The following ZNF804A variants were observed in gnomAD, a reference collection of about 807,000 sequenced individuals.
ZNF804A encodes the protein zinc finger protein 804A.
In ZNF804A, 2 loss-of-function variants were observed where a neutral mutation model predicts 16.5. The ratio of observed to expected loss-of-function variants is 0.12; its 90% CI spans 0.05 to 0.38. The LOEUF (loss-of-function observed/expected upper bound fraction) is 0.38. Among genes scored for constraint, ZNF804A ranks in the 10% least tolerant of loss-of-function variants. ZNF804A has a pLI of 0.99. For synonymous variants in ZNF804A, 534 were observed against 489.6 expected (o/e 1.09, Z -1.20); for missense variants, 1,473 against 1,390.7 (o/e 1.06, Z -0.94).
intron 1 of ZNF804A, among the ~76,000 whole-genome samples, chr2:184,819,519 C>A (rs1695037161): frequency 6.6e-6 from 1 of 151,576 alleles, no homozygotes; most frequent in Admixed American, 6.6e-5. Flanking sequence ...ACTAGAGAAC[C>A]AAGAGAAAAC....
intron 1 of ZNF804A, among the ~76,000 whole-genome samples, chr2:184,706,310 G>T (rs1693029819): frequency 6.6e-6 from 1 of 152,160 alleles, no homozygotes; most frequent in African/African-American, 2.4e-5. Context: ...TGTGTACATG[G>T]TATATGTTGT....
At chr2:184,790,150 A>G (rs1235938502) in intron 1 of ZNF804A, among the ~76,000 whole-genome samples, 1 of 151,490 alleles carries the variant, frequency 6.6e-6, no homozygotes, top group African/African-American at 2.4e-5. Flanking sequence ...TCCCCTTGGT[A>G]TTGATTTTTA....
intron 1 of ZNF804A, among the ~76,000 whole-genome samples, chr2:184,799,042 G>A (rs941850507): frequency 2.0e-5 from 3 of 151,950 alleles, no homozygotes; most frequent in Admixed American, 1.3e-4. Flanking sequence ...CTGGTACCGC[G>A]GGCTGTCAGC....
intron 1 of ZNF804A, among the ~76,000 whole-genome samples, chr2:184,859,737 G>C (rs72905782): frequency 0.05 from 7,668 of 152,242 alleles, 254 homozygotes; most frequent in Middle Eastern, 0.078. Flanking sequence ...TCTTTGTCTG[G>C]GAAACCCTAC....
intron 1 of ZNF804A, among the ~76,000 whole-genome samples, chr2:184,834,357 C>T (rs1251355515): frequency 2.0e-5 from 3 of 152,064 alleles, no homozygotes; most frequent in Non-Finnish European, 2.9e-5. Context: ...ACTCCAGATT[C>T]ATCTTTCCTT....
chr2:184,913,650 T>C (rs1454085997), intron 2 of ZNF804A, among the ~76,000 whole-genome samples: 4 of 152,188 alleles, frequency 2.6e-5, no homozygotes. Context: ...ATTCAGTTCC[T>C]GTAAACCTTT....
intron 1 of ZNF804A, among the ~76,000 whole-genome samples, chr2:184,669,764 GCACACACA>G (rs774466491): frequency 7.1e-4 from 30 of 42,034 alleles, no homozygotes; most frequent in Admixed American, 1.4e-3. Context: ...ACACACACAC[GCACACACA>G]CACACACACT....
chr2:184,911,468 C>T (rs1324636259), intron 2 of ZNF804A, among the ~76,000 whole-genome samples: 1 of 151,898 alleles, frequency 6.6e-6, no homozygotes. Flanking sequence ...TTTTTGGTTC[C>T]TTATCCATTT....
intron 1 of ZNF804A, among the ~76,000 whole-genome samples, chr2:184,776,270 G>A (rs956189797): frequency 1.1e-4 from 17 of 151,366 alleles, no homozygotes; most frequent in Admixed American, 1.1e-3. Context: ...CTTTGAGAGA[G>A]AAATTAGAAA....
At chr2:184,760,723 T>C (rs949219821) in intron 1 of ZNF804A, among the ~76,000 whole-genome samples, 3 of 152,130 alleles carry the variant, frequency 2.0e-5, no homozygotes, top group African/African-American at 7.2e-5. Context: ...GGAATAAAGA[T>C]GATTGGGGAT....
intron 1 of ZNF804A, among the ~76,000 whole-genome samples, chr2:184,635,696 G>A (rs938209931): frequency 1.3e-5 from 2 of 152,028 alleles, no homozygotes; most frequent in Admixed American, 1.3e-4. Context: ...TTTAGTAAAA[G>A]CATGCAAGAG....
chr2:184,730,959 T>C (rs1236743581), intron 1 of ZNF804A, among the ~76,000 whole-genome samples: 1 of 151,816 alleles, frequency 6.6e-6, no homozygotes, highest in African/African-American at 2.4e-5. Context: ...ACTGCTAAAC[T>C]GGGCCAGGCA....
At chr2:184,872,668 G>A (rs1169758848) in intron 2 of ZNF804A, among the ~76,000 whole-genome samples, 1 of 152,082 alleles carries the variant, frequency 6.6e-6, no homozygotes, top group African/African-American at 2.4e-5. Flanking sequence ...CATAATCATA[G>A]AGACACCAAT....
intron 1 of ZNF804A, among the ~76,000 whole-genome samples, chr2:184,637,334 A>T (rs1193258017): frequency 1.3e-5 from 2 of 152,170 alleles, no homozygotes; most frequent in Non-Finnish European, 2.9e-5. Flanking sequence ...GCATTATTTT[A>T]AAAATGCACA....
chr2:184,666,181 C>T (rs1055165179), intron 1 of ZNF804A, among the ~76,000 whole-genome samples: 1 of 152,046 alleles, frequency 6.6e-6, no homozygotes, highest in African/African-American at 2.4e-5. Flanking sequence ...ATAGCAAATA[C>T]ATGTAGAGCA....
Position 184,938,568 on chromosome 2 carries a change from C to A in ZNF804A, c.3172C>A (p.Pro1058Thr). 6.2e-7 allele frequency: 1 copy of A among 1,614,070 alleles called. No homozygotes were observed. The highest frequency in any genetic ancestry group is 1.1e-5 in the South Asian group (1 of 91,080). The change falls in exon 4 of 4, where the codon CCA becomes ACA. Residue 1058 changes from proline to threonine, a missense_variant. Pro to Thr is a conservative substitution (Grantham distance 38). Transcript: ENST00000302277. Reference sequence around the variant, plus strand: ...TGAGGTCTACCAGCACATTCTGCAGCCAAACATGCTGGCCAACAAGGTTAA... The same window carrying A: ...TGAGGTCTACCAGCACATTCTGCAGACAAACATGCTGGCCAACAAGGTTAA... ...PCEVYQHILQ[P>T]NMLANKVKFT...
chr2:184,825,230 AAATT>A (rs1271085731), intron 1 of ZNF804A, among the ~76,000 whole-genome samples: 1 of 152,198 alleles, frequency 6.6e-6, no homozygotes, highest in Non-Finnish European at 1.5e-5. Context: ...ATGGATAAAT[AAATT>A]AACTAATTAG....
chr2:184,826,362 CT>C (rs1366464073), intron 1 of ZNF804A, among the ~76,000 whole-genome samples: 11 of 152,008 alleles, frequency 7.2e-5, no homozygotes. Context: ...GAAATGACTT[CT>C]AAAATTAGAC....
At chr2:184,860,183 G>A (rs935471139) in intron 1 of ZNF804A, among the ~76,000 whole-genome samples, 1 of 152,244 alleles carries the variant, frequency 6.6e-6, no homozygotes, top group African/African-American at 2.4e-5. Context: ...ATGTGGACTT[G>A]CCTGTAATCT....
Sources: allele counts gnomAD v4.1 joint callset (sites outside exome capture counted in the v4.1 genomes callset), GRCh38; gene constraint gnomAD v4.1.1; transcripts MANE v1.5; gene names NCBI Gene and HGNC (gene_info 2026-07-23, HGNC 2026-07-21).